Variants in MIF4GD observed in about 807,000 individuals in gnomAD.
MIF4GD encodes MIF4G domain-containing protein.
In MIF4GD, 22 loss-of-function variants were observed where a neutral mutation model predicts 26.7. The ratio of observed to expected loss-of-function variants is 0.82; its 90% CI spans 0.59 to 1.18. The LOEUF is 1.18. Ranked by LOEUF, MIF4GD falls within the 50% of genes most tolerant of loss-of-function variation. The pLI is 0.00. For synonymous variants in MIF4GD, 137 were observed against 111.6 expected (o/e 1.23, Z -1.43); for missense variants, 262 against 279.6 (o/e 0.94, Z 0.45).
chr17:75,266,813 A>G lies in MIF4GD; in HGVS notation c.596T>C (p.Ile199Thr), dbSNP rs775612995. ...CTTCCAGCCGGCCGCCCGGAACTCA[A>G]TGATCTCCAGCAGCAGCAGCTGGGC... ...SLAQLLLLEI[I>T]EFRAAGWKTT... Residue 199 changes from isoleucine (I) to threonine (T), a missense_variant, in exon 6 of 6, where the codon ATT (isoleucine) becomes ACT (threonine). Transcript: ENST00000325102. 4.8e-5 allele frequency: 77 copies of G among 1,614,060 alleles called. No homozygotes were observed. The highest frequency in any genetic ancestry group is 6.1e-5 in the Non-Finnish European group (72 of 1,180,034).
Position 75,270,930 on chromosome 17 carries a change from G to A in MIF4GD, c.-51+214C>T, listed in dbSNP as rs996003966. 9 of 152,412 alleles carry A rather than the reference G, an allele frequency of 5.9e-5. No homozygotes were observed. Among genetic ancestry groups the A allele is most frequent in the African/African-American group, 2.2e-4 (9 of 41,584 alleles). The allele number at this position is 152,412 out of a possible 1,614,324, so 9.4% of individuals were successfully genotyped here. A position where few individuals can be genotyped will look rare whatever the true frequency, so the allele number is the denominator to read the frequency against. On this transcript the variant is annotated intron_variant, in intron 1 of 5. Transcript: ENST00000325102. This position sits in a 1 kb window ranked among gnomAD's most constrained non-coding sequence, Gnocchi z 5.7. ...CCTAATTCCTGAGCTCCATTCTGGA[G>A]CCTTCCTCTTACTGGGGGGCAGGAT... is the stretch of plus-strand genomic sequence containing the variant.
intron 2 of MIF4GD, chr17:75,269,367 C>T (rs144467997): frequency 1.7e-5 from 28 of 1,613,872 alleles, no homozygotes; most frequent in Non-Finnish European, 2.1e-5. Flanking sequence ...CGTGTTACAG[C>T]GGGAAGGCAT....
chr17:75,266,780 G>A lies in MIF4GD; in HGVS notation c.629C>T (p.Pro210Leu). The A allele has an allele frequency of 6.2e-7, 1 of 1,614,194 alleles. No homozygotes were observed. The highest frequency in any genetic ancestry group is 8.5e-7 in the Non-Finnish European group (1 of 1,180,038). ...EFRAAGWKTT[P>L]AAHKYYYSEV... ...GCTGTAGTAATACTTGTGGGCAGCT[G>A]GCGTTGTCTTCCAGCCGGCCGCCCG... Residue 210 changes from proline to leucine, a missense_variant, in exon 6 of 6, where the codon CCA becomes CTA. By Grantham distance (98) the Pro-to-Leu change is moderately conservative. Coordinates refer to ENST00000325102, the MANE Select transcript of MIF4GD (RefSeq NM_001370592.1).
At chr17:75,269,740 TC>T (rs1475321003) in intron 2 of MIF4GD, among the ~76,000 whole-genome samples, 1,752 of 83,242 alleles carry the variant, frequency 0.021, 123 homozygotes, top group African/African-American at 0.066. Context: ...TTCTTTTCTT[TC>T]TTTTTTTTTT....
chr17:75,269,281 T>G (rs1389670209), intron 2 of MIF4GD: 7 of 1,590,990 alleles, frequency 4.4e-6, no homozygotes, highest in Non-Finnish European at 6.0e-6. Flanking sequence ...GAGGGCCACA[T>G]AGGGCCTCCC....
chr17:75,269,557 T>A, intron 2 of MIF4GD: 13 of 314,162 alleles, frequency 4.1e-5, no homozygotes, highest in South Asian at 1.2e-4. Flanking sequence ...ACTTTTTTTT[T>A]TTTTTTTTTT....
chr17:75,267,467 C>A, intron 5 of MIF4GD, 71 bp downstream of exon 5: 1 of 1,473,154 alleles, frequency 6.8e-7, no homozygotes, highest in South Asian at 1.2e-5. Context: ...GAGCAGTGGG[C>A]TGACACACGG....
Position 75,270,053 on chromosome 17 carries a change from T to C in MIF4GD, c.82+61A>G. 6.9e-7 allele frequency: 1 copy of C among 1,451,620 alleles called. No individual in the cohort carries two copies. Among genetic ancestry groups the C allele is most frequent in the South Asian group, 1.1e-5 (1 of 87,738 alleles). The allele number at this position is 1,451,620 out of a possible 1,614,324, so 89.9% of individuals were successfully genotyped here. A position where few individuals can be genotyped will look rare whatever the true frequency, so the allele number is the denominator to read the frequency against. ...ATTCACCAGGCTCAGCCTCTGGTGCTGCCCACAGGGGCCCTTCTCTGTAGC... is the reference window on the plus strand; with the variant it reads ...ATTCACCAGGCTCAGCCTCTGGTGCCGCCCACAGGGGCCCTTCTCTGTAGC... On this transcript the variant is annotated intron_variant, in intron 2 of 5. Coordinates refer to ENST00000325102, the MANE Select transcript of MIF4GD (RefSeq NM_001370592.1). This position sits in a 1 kb window ranked among gnomAD's most constrained non-coding sequence, Gnocchi z 5.7.
At chr17:75,269,367 C>A (rs144467997) in intron 2 of MIF4GD, 1 of 1,613,990 alleles carries the variant, frequency 6.2e-7, no homozygotes, top group Non-Finnish European at 8.5e-7. Context: ...CGTGTTACAG[C>A]GGGAAGGCAT....
chr17:75,271,262 G>A (rs1198292993), upstream of MIF4GD: 1 of 151,276 alleles, frequency 6.6e-6, no homozygotes, highest in African/African-American at 2.4e-5. This position sits in a 1 kb window ranked among gnomAD's most constrained non-coding sequence, Gnocchi z 4.2. Context: ...CGCCGGGGAA[G>A]GGTCGGCTCG....
Sources: allele counts gnomAD v4.1 joint callset (sites outside exome capture counted in the v4.1 genomes callset), GRCh38; gene constraint gnomAD v4.1.1; non-coding constraint Gnocchi (gnomAD v3.1); transcripts MANE v1.5; gene names NCBI Gene and HGNC (gene_info 2026-07-23, HGNC 2026-07-21).